Variants in TARBP1 observed in about 807,000 individuals in gnomAD.
TARBP1 encodes the protein tRNA (guanosine(18)-2'-O)-methyltransferase TARBP1.
Under a neutral mutation model 178.6 loss-of-function variants are expected in TARBP1, and 144 were observed. The observed-to-expected ratio is 0.81, with a 90% CI of 0.70 to 0.93. The LOEUF is 0.93. TARBP1 is among the 40% of genes least tolerant of loss of function. The pLI is 0.00. For missense variants in TARBP1, 2,067 were observed against 2,011.7 expected, an observed-to-expected ratio of 1.03 and a Z score of -0.53; for synonymous variants, 787 against 781.0, an observed-to-expected ratio of 1.01 and a Z score of -0.13.
At chr1:234,398,638 A>C (rs1487659662) in intron 25 of TARBP1, 85 bp from the exon 26 acceptor site, 2 of 1,041,078 alleles carry the variant, frequency 1.9e-6, no homozygotes, top group African/African-American at 3.2e-5. Context: ...CTTAATTATT[A>C]ATGATATATT....
chr1:234,399,793 C>G (rs1378238186), intron 25 of TARBP1, among the ~76,000 whole-genome samples: 1 of 149,654 alleles, frequency 6.7e-6, no homozygotes, highest in Non-Finnish European at 1.5e-5. Flanking sequence ...GAACGAAAAA[C>G]CAAACACCGC....
rs889774436 is a variant in TARBP1, at chr1:234,465,533, T to C, written c.1301+123A>G. ...AACAGATAGAAAAAGGACCACATGA[T>C]AAGAAAAACTCAACTGTCTATTCAG... is the stretch of plus-strand genomic sequence containing the variant. On this transcript the variant is annotated intron_variant, in intron 5 of 29. Coordinates refer to ENST00000040877, the MANE Select transcript of TARBP1 (RefSeq NM_005646.4). 1.5e-5 allele frequency: 12 copies of C among 777,924 alleles called. No individual in the cohort carries two copies. In the African/African-American group the frequency reaches 1.6e-4, roughly 11 times the overall value. The allele number at this position is 777,924 out of a possible 1,614,324, so 48.2% of individuals were successfully genotyped here.
chr1:234,420,282 A>C (rs892249682), intron 21 of TARBP1, among the ~76,000 whole-genome samples: 8 of 152,236 alleles, frequency 5.3e-5, no homozygotes, highest in African/African-American at 1.9e-4. Flanking sequence ...CACCATGTGA[A>C]ACAATATTCC....
chr1:234,472,875 C>G (rs1421330231), intron 1 of TARBP1, 64 bp from the exon 2 acceptor site: 2 of 1,220,336 alleles, frequency 1.6e-6, no homozygotes, highest in Admixed American at 4.5e-5. Context: ...TTCTCAATGA[C>G]AGCAGTTCTT....
chr1:234,474,279 CACACACACAA>C (rs1380163187), intron 1 of TARBP1, among the ~76,000 whole-genome samples: 1 of 61,984 alleles, frequency 1.6e-5, no homozygotes, highest in Non-Finnish European at 4.0e-5. Flanking sequence ...CACACACACA[CACACACACAA>C]AGGGGACATT....
At chr1:234,458,507 T>C (rs1384317941) in intron 8 of TARBP1, among the ~76,000 whole-genome samples, 2 of 152,178 alleles carry the variant, frequency 1.3e-5, no homozygotes, top group Non-Finnish European at 2.9e-5. Context: ...GTTTTGTAAA[T>C]AGTTTTTTTG....
intron 7 of TARBP1, among the ~76,000 whole-genome samples, chr1:234,459,710 G>T (rs73103942): frequency 0.02 from 3,033 of 151,778 alleles, 67 homozygotes; most frequent in African/African-American, 0.06. Flanking sequence ...TACTTAGGAG[G>T]CTAAGACACG....
intron 14 of TARBP1, 101 bp from the exon 15 acceptor site, chr1:234,430,402 C>T: frequency 2.1e-6 from 2 of 950,382 alleles, no homozygotes; most frequent in South Asian, 3.2e-5. Context: ...CTCCTTTTCC[C>T]TCTTCCTGCC....
intron 23 of TARBP1, among the ~76,000 whole-genome samples, chr1:234,409,501 C>A (rs1008538381): frequency 1.3e-5 from 2 of 152,188 alleles, no homozygotes; most frequent in African/African-American, 4.8e-5. Context: ...GATGCCAGAG[C>A]CTTCTTGATC....
chr1:234,427,473 T>C, intron 18 of TARBP1, 85 bp from the exon 19 acceptor site: 8 of 1,436,150 alleles, frequency 5.6e-6, no homozygotes, highest in Non-Finnish European at 7.5e-6. Flanking sequence ...TAACTAATAA[T>C]TTATATTCTT....
intron 22 of TARBP1, among the ~76,000 whole-genome samples, chr1:234,411,537 G>C (rs932637837): frequency 2.5e-4 from 38 of 152,302 alleles, no homozygotes; most frequent in African/African-American, 8.2e-4. Context: ...AAGACACAGA[G>C]GCAAACTTAA....
rs114991046 is a variant in TARBP1, at chr1:234,474,879, C to T, written c.932-2068G>A. On this transcript the variant is annotated intron_variant, in intron 1 of 29. Transcript: ENST00000040877. ...ATCTACAAAATCCTAAACTGTTGTG[C>T]GGTGGGTGGGGGGAGCATCAGAACT... is the stretch of plus-strand genomic sequence containing the variant. Among the ~76,000 whole-genome samples, 611 of 152,170 alleles carry T rather than the reference C, an allele frequency of 4.0e-3. 4 individuals carry two copies. The highest frequency in any genetic ancestry group is 0.013 in the African/African-American group (527 of 41,528).
At chr1:234,403,585 C>T (rs916667650) in intron 24 of TARBP1, among the ~76,000 whole-genome samples, 2 of 152,228 alleles carry the variant, frequency 1.3e-5, no homozygotes, top group Non-Finnish European at 2.9e-5. Flanking sequence ...ATCTACCTGG[C>T]TAAGCCCCAG....
At chr1:234,430,327 T>A in intron 14 of TARBP1, 26 bp from the exon 15 acceptor site, 1 of 1,601,938 alleles carries the variant, frequency 6.2e-7, no homozygotes, top group East Asian at 2.2e-5. Context: ...GACAATGTTT[T>A]ATTTAATATG....
Position 234,433,590 on chromosome 1 carries a change from C to T in TARBP1, c.2233-19G>A, listed in dbSNP as rs1416123891. ...CTGAAACCTAAGACAAGGATTAAAA[C>T]ACTTAAGGGTACAAGCAAGGTCCAT... On this transcript the variant is annotated intron_variant, in intron 13 of 29. Transcript: ENST00000040877. 2 of 1,600,308 alleles carry T rather than the reference C, an allele frequency of 1.2e-6. No homozygotes were observed. The highest frequency in any genetic ancestry group is 2.2e-5 in the South Asian group (2 of 89,234).
intron 4 of TARBP1, among the ~76,000 whole-genome samples, chr1:234,466,889 AAAG>A (rs1668496680): frequency 6.6e-6 from 1 of 152,140 alleles, no homozygotes; most frequent in African/African-American, 2.4e-5. Flanking sequence ...ATTGAAAGAA[AAAG>A]AAGAAAAAAA....
chr1:234,461,574 T>G (rs1294269536), intron 6 of TARBP1, among the ~76,000 whole-genome samples: 4 of 152,188 alleles, frequency 2.6e-5, no homozygotes, highest in African/African-American at 9.7e-5. Context: ...CCCAAAGTGC[T>G]GAGACTACAG....
intron 28 of TARBP1, 68 bp from the exon 29 acceptor site, chr1:234,392,620 T>TA: frequency 1.4e-6 from 2 of 1,439,234 alleles, no homozygotes; most frequent in South Asian, 1.2e-5. Flanking sequence ...AAATTAGAGT[T>TA]AAAAAACGTA....
chr1:234,395,817 A>C (rs533624944), intron 26 of TARBP1, among the ~76,000 whole-genome samples: 1 of 152,110 alleles, frequency 6.6e-6, no homozygotes, highest in East Asian at 1.9e-4. Flanking sequence ...AGAAGGTACA[A>C]AGTTAGTCAG....
Sources: gnomAD v4.1 joint callset for allele counts (sites outside exome capture counted in the v4.1 genomes callset) on GRCh38, gnomAD v4.1.1 for gene constraint, MANE v1.5 for transcripts, NCBI Gene and HGNC (gene_info 2026-07-23, HGNC 2026-07-21) for gene names.